DHRSX: variants seen among roughly 807,000 people sequenced by gnomAD.
DHRSX encodes dehydrogenase/reductase X-linked, also known as polyprenol dehydrogenase.
DHRSX carries 31 observed loss-of-function variants against 34.0 expected under a neutral mutation model. The observed-to-expected ratio is 0.91, with a 90% CI of 0.69 to 1.23. DHRSX has a LOEUF of 1.23. Among genes scored for constraint, DHRSX ranks in the 50% most tolerant of loss-of-function variants. The pLI, the probability that DHRSX is intolerant of heterozygous loss-of-function variation, is 0.00. For synonymous variants in DHRSX, 201 were observed against 183.8 expected (o/e 1.09, Z -0.76); for missense variants, 414 against 428.1 (o/e 0.97, Z 0.29).
chrX:2,294,200 A>G (rs1264424003), intron 3 of DHRSX, among the ~76,000 whole-genome samples: 1 of 152,048 alleles, frequency 6.6e-6, no homozygotes, highest in East Asian at 1.9e-4. Flanking sequence ...AAAGAGAGAG[A>G]GGGACGGGAG....
At chrX:2,260,984 C>T (rs912920857) in intron 5 of DHRSX, among the ~76,000 whole-genome samples, 1 of 151,420 alleles carries the variant, frequency 6.6e-6, no homozygotes, top group Non-Finnish European at 1.5e-5. Context: ...TCAAGGCAGG[C>T]AGATCACTTG....
intron 3 of DHRSX, among the ~76,000 whole-genome samples, chrX:2,402,599 G>A (rs2043499757): frequency 6.6e-6 from 1 of 152,182 alleles, no homozygotes; most frequent in Admixed American, 6.5e-5. Context: ...CACCCAGCTG[G>A]GCCTCAGCAT....
chrX:2,427,309 C>T (rs2124652982), intron 1 of DHRSX, among the ~76,000 whole-genome samples: 1 of 152,290 alleles, frequency 6.6e-6, no homozygotes, highest in East Asian at 1.9e-4. Context: ...GGAGTAGGGG[C>T]ACCCCAGAGT....
intron 1 of DHRSX, among the ~76,000 whole-genome samples, chrX:2,453,095 A>G (rs2044247495): frequency 6.6e-6 from 1 of 152,218 alleles, no homozygotes; most frequent in Non-Finnish European, 1.5e-5. Flanking sequence ...GGAAGATACA[A>G]GGTGAAGTGA....
rs1031814931 is a variant in DHRSX at position 2,473,700 on chromosome X, G to A, written c.109+27117C>T. Among the ~76,000 whole-genome samples, 6 of 139,454 alleles carry A rather than the reference G, an allele frequency of 4.3e-5. 2 individuals carry two copies. Among genetic ancestry groups the A allele is most frequent in the African/African-American group, 1.2e-4 (4 of 32,978 alleles). 91.5% of individuals were successfully genotyped at this position (139,454 alleles called of 152,430 possible). On this transcript the variant is annotated intron_variant, in intron 1 of 6. Transcript: ENST00000334651. ...ACAAGCCCCTTCCACCCCGGGCCCCGGAAATGCACAGACCACCTTCTAAGG... is the reference window on the plus strand; with the variant it reads ...ACAAGCCCCTTCCACCCCGGGCCCCAGAAATGCACAGACCACCTTCTAAGG...
chrX:2,498,054 C>G (rs1380479886), intron 1 of DHRSX, among the ~76,000 whole-genome samples: 1 of 152,164 alleles, frequency 6.6e-6, no homozygotes, highest in Non-Finnish European at 1.5e-5. Context: ...TGACCAACAT[C>G]TATGATTAAT....
intron 1 of DHRSX, among the ~76,000 whole-genome samples, chrX:2,432,885 G>A (rs760526650): frequency 3.2e-4 from 48 of 152,260 alleles, no homozygotes; most frequent in African/African-American, 1.1e-3. Context: ...GCACTTTGAG[G>A]GCTGAGGTGG....
chrX:2,380,567 C>T (rs1380481285), intron 3 of DHRSX, among the ~76,000 whole-genome samples: 10 of 152,196 alleles, frequency 6.6e-5, no homozygotes, highest in Non-Finnish European at 1.0e-4. Flanking sequence ...CCAAATCTCA[C>T]GTTGAATTGT....
chrX:2,433,377 G>A (rs1253746060), intron 1 of DHRSX, among the ~76,000 whole-genome samples: 1 of 151,974 alleles, frequency 6.6e-6, no homozygotes, highest in African/African-American at 2.4e-5. Context: ...TCCTAATTCA[G>A]ACCATATTGA....
chrX:2,400,117 T>C (rs764309058), intron 3 of DHRSX, among the ~76,000 whole-genome samples: 1 of 152,266 alleles, frequency 6.6e-6, no homozygotes, highest in East Asian at 1.9e-4. Context: ...TTAAAACTTC[T>C]CGGGAATAAA....
At chrX:2,466,263 G>A (rs2044494785) in intron 1 of DHRSX, among the ~76,000 whole-genome samples, 1 of 151,998 alleles carries the variant, frequency 6.6e-6, no homozygotes, top group South Asian at 2.1e-4. Context: ...ACATGGAGAA[G>A]CCCCGTCTCT....
Position 2,359,902 on chromosome X carries a change from T to C in DHRSX, c.286+48843A>G, listed in dbSNP as rs774811420. Among the ~76,000 whole-genome samples the C allele has an allele frequency of 2.6e-4, 39 of 152,008 alleles. No homozygotes were observed. In the East Asian group the frequency reaches 3.9e-3, roughly 15 times the overall value. ...GAACATATGGACACAGAGAGGGGAA[T>C]AGCATTCATTGAGGCCTATCAGAAG... On this transcript the variant is annotated intron_variant, in intron 3 of 6. Coordinates refer to ENST00000334651, the MANE Select transcript of DHRSX (RefSeq NM_145177.3).
chrX:2,449,120 T>G (rs1329156036), intron 1 of DHRSX, among the ~76,000 whole-genome samples: 2 of 150,470 alleles, frequency 1.3e-5, no homozygotes, highest in Non-Finnish European at 3.0e-5. Flanking sequence ...ACCCAGGAGG[T>G]GGAGGTTGCA....
At chrX:2,469,800 G>T (rs764231430) in intron 1 of DHRSX, among the ~76,000 whole-genome samples, 2 of 152,176 alleles carry the variant, frequency 1.3e-5, no homozygotes, top group Non-Finnish European at 2.9e-5. Flanking sequence ...CCAAGGGACC[G>T]CCACCTTGTA....
At chrX:2,405,397 A>G (rs2043540158) in intron 3 of DHRSX, among the ~76,000 whole-genome samples, 1 of 152,064 alleles carries the variant, frequency 6.6e-6, no homozygotes, top group Admixed American at 6.6e-5. Context: ...CTGAGGCAGG[A>G]GAATCGCTTG....
At chrX:2,491,019 G>T (rs2045124502) in intron 1 of DHRSX, among the ~76,000 whole-genome samples, 1 of 151,864 alleles carries the variant, frequency 6.6e-6, no homozygotes, top group Admixed American at 6.6e-5. Flanking sequence ...ACAGGTTTGC[G>T]AGTGAGCACG....
chrX:2,481,833 G>A (rs2044776897), intron 1 of DHRSX, among the ~76,000 whole-genome samples: 1 of 152,084 alleles, frequency 6.6e-6, no homozygotes, highest in African/African-American at 2.4e-5. Context: ...ACACACCATG[G>A]CAGGGCTCAT....
intron 4 of DHRSX, among the ~76,000 whole-genome samples, chrX:2,290,222 T>C (rs2041849862): frequency 6.6e-6 from 1 of 152,144 alleles, no homozygotes; most frequent in Admixed American, 6.6e-5. Flanking sequence ...GAACCGTGGG[T>C]ATCTCATCCA....
intron 3 of DHRSX, among the ~76,000 whole-genome samples, chrX:2,315,201 T>G (rs889640657): frequency 6.6e-6 from 1 of 151,176 alleles, no homozygotes; most frequent in Non-Finnish European, 1.5e-5. Flanking sequence ...GTGAGCTGCC[T>G]GAGTCTCCTG....
Sources: gnomAD v4.1 joint callset for allele counts (sites outside exome capture counted in the v4.1 genomes callset) on GRCh38, gnomAD v4.1.1 for gene constraint, MANE v1.5 for transcripts, NCBI Gene and HGNC (gene_info 2026-07-23, HGNC 2026-07-21) for gene names.